NHSL2: variants seen among roughly 807,000 people sequenced by gnomAD.
NHSL2 encodes the protein NHS-like protein 2.
NHSL2 carries 27 observed loss-of-function variants against 53.4 expected under a neutral mutation model. The observed-to-expected ratio is 0.51, with a 90% CI of 0.37 to 0.70. The LOEUF (loss-of-function observed/expected upper bound fraction) is 0.70. NHSL2 is among the 30% of genes least tolerant of loss of function. The pLI is 0.00. For synonymous variants in NHSL2, 408 were observed against 404.1 expected (o/e 1.01, Z -0.12); for missense variants, 892 against 980.1 (o/e 0.91, Z 1.20).
Position 72,139,111 on chromosome X carries a change from C to A in NHSL2, c.1563C>A (p.Ala521=), listed in dbSNP as rs1338966598. ...ATGAGGAGCAGAAGGCCAATGAGGC[C>A]TGTGCCCTGCCTTTTGCCAGTACGA... The part of the protein sequence containing the change: ...DYDEEQKANE[A]CALPFASTSS... Residue 521 remains alanine, a synonymous_variant, in exon 6 of 8, where the codon GCC becomes GCA. Transcript: ENST00000633930. 1 of 1,170,426 alleles carries A rather than the reference C, an allele frequency of 8.5e-7. No homozygotes were observed. The highest frequency in any genetic ancestry group is 1.1e-6 in the Non-Finnish European group (1 of 874,043).
intron 1 of NHSL2, among the ~76,000 whole-genome samples, chrX:71,983,952 T>G (rs2041991781): frequency 9.0e-6 from 1 of 111,410 alleles, no homozygotes; most frequent in Admixed American, 9.5e-5. Context: ...ACCCCCTATC[T>G]CATGCTGTGA....
intron 1 of NHSL2, among the ~76,000 whole-genome samples, chrX:72,022,099 A>G (rs1050645475): frequency 1.1e-4 from 12 of 111,926 alleles, no homozygotes; most frequent in African/African-American, 2.9e-4. Context: ...CTTCAAGAGC[A>G]TAGGTTCTCA....
At chrX:72,075,640 GTGTCT>G (rs2041734636) in intron 1 of NHSL2, among the ~76,000 whole-genome samples, 1 of 112,099 alleles carries the variant, frequency 8.9e-6, no homozygotes, top group African/African-American at 3.2e-5. Context: ...TACAAGCTGT[GTGTCT>G]TCAGGCAAGT....
At position 71,910,988 on chromosome X, in the gene NHSL2, G is replaced by C. The variant is rs2041597922; in HGVS notation, c.-100G>C. On this transcript the variant is annotated 5_prime_UTR_variant, in exon 1 of 8. Coordinates refer to ENST00000633930, the MANE Select transcript of NHSL2 (RefSeq NM_001013627.3). ...CGCCCAGGGGCCTGCTACACCCGGA[G>C]CTGGGGCCGCCGCTCAGGGGCGCTC... 2 of 683,058 alleles carry C rather than the reference G, an allele frequency of 2.9e-6. No homozygotes were observed. Among genetic ancestry groups the C allele is most frequent in the African/African-American group, 4.6e-5 (2 of 43,638 alleles). The allele number at this position is 683,058 out of a possible 1,213,427, so 56.3% of individuals were successfully genotyped here.
chrX:72,016,824 C>T (rs187741860), intron 1 of NHSL2, among the ~76,000 whole-genome samples: 1 of 112,195 alleles, frequency 8.9e-6, no homozygotes, highest in East Asian at 2.8e-4. Flanking sequence ...GGCAACTCTT[C>T]CTTTTCCTGA....
At chrX:72,035,827 GT>G (rs1437492833) in intron 1 of NHSL2, among the ~76,000 whole-genome samples, 3 of 111,575 alleles carry the variant, frequency 2.7e-5, no homozygotes, top group Non-Finnish European at 3.8e-5. Context: ...TACAGCAGGG[GT>G]CCCCAACCCC....
Position 72,149,939 on chromosome X carries a change from C to T in NHSL2, c.*6365C>T, listed in dbSNP as rs2042498528. The T allele has an allele frequency of 8.9e-6, 1 of 112,447 alleles. No individual in the cohort carries two copies. The highest frequency in any genetic ancestry group is 1.9e-5 in the Non-Finnish European group (1 of 53,264). 9.3% of individuals were successfully genotyped at this position (112,447 alleles called of 1,213,427 possible). ...CACACAGTGAGTCAGTGGTGGGGCC[C>T]AGCCTCAATTCCAGGTCTCCTGCCC... On this transcript the variant is annotated 3_prime_UTR_variant, in exon 8 of 8. Coordinates refer to ENST00000633930, the MANE Select transcript of NHSL2 (RefSeq NM_001013627.3).
At chrX:72,027,995 C>T (rs749093214) in intron 1 of NHSL2, among the ~76,000 whole-genome samples, 18 of 111,208 alleles carry the variant, frequency 1.6e-4, no homozygotes, top group African/African-American at 4.6e-4. Context: ...CTGCTGCTGC[C>T]GCTGCTGCTG....
intron 1 of NHSL2, among the ~76,000 whole-genome samples, chrX:72,071,184 T>C (rs2041699670): frequency 9.0e-6 from 1 of 111,475 alleles, no homozygotes; most frequent in African/African-American, 3.3e-5. Flanking sequence ...TGAATTTGGG[T>C]CTCTGTGGTG....
At chrX:72,116,255 G>T (rs1017505388) in intron 1 of NHSL2, among the ~76,000 whole-genome samples, 1 of 112,056 alleles carries the variant, frequency 8.9e-6, no homozygotes, top group African/African-American at 3.3e-5. Flanking sequence ...AACTGTTATC[G>T]TTGGAAATAA....
At chrX:72,137,063 A>G in intron 4 of NHSL2, 31 bp from the exon 5 acceptor site, 1 of 1,153,353 alleles carries the variant, frequency 8.7e-7, no homozygotes, top group Non-Finnish European at 1.2e-6. Context: ...AGAAACCAGG[A>G]TGCACCCAAG....
At chrX:71,974,237 G>A (rs1038063445) in intron 1 of NHSL2, among the ~76,000 whole-genome samples, 1 of 111,696 alleles carries the variant, frequency 9.0e-6, no homozygotes, top group Admixed American at 9.5e-5. Flanking sequence ...AAATTTTTTG[G>A]TGTGGGCTTC....
In NHSL2 at chrX:72,134,646, G is replaced by C. The variant is rs1400687938; in HGVS notation, c.702G>C (p.Glu234Asp). The change falls in exon 4 of 8, where the codon GAG (glutamate) becomes GAC (aspartate). Residue 234 changes from glutamate to aspartate, a missense_variant. Coordinates refer to ENST00000633930, the MANE Select transcript of NHSL2 (RefSeq NM_001013627.3). ...TTTTCCCTCTGCCCATCCTAGAGGA[G>C]AAGCGGTGGCCTCAGCTTTGCTCCA... ...NSLFPLPILE[E>D]KRWPQLCSTQ... 8.6e-7 allele frequency: 1 copy of C among 1,167,640 alleles called. No homozygotes were observed. Among genetic ancestry groups the C allele is most frequent in the Non-Finnish European group, 1.1e-6 (1 of 872,372 alleles).
At chrX:72,099,510 C>A (rs1666412602) in intron 1 of NHSL2, among the ~76,000 whole-genome samples, 1 of 109,040 alleles carries the variant, frequency 9.2e-6, no homozygotes, top group Non-Finnish European at 1.9e-5. Context: ...GGATTACAGG[C>A]CCCCACCACC....
intron 1 of NHSL2, among the ~76,000 whole-genome samples, chrX:71,950,050 G>A (rs1024134292): frequency 3.5e-5 from 4 of 113,521 alleles, no homozygotes; most frequent in Non-Finnish European, 7.5e-5. Flanking sequence ...GACCACCTGA[G>A]CATGCGCTTT....
rs369775283 is a variant in NHSL2 at position 72,032,318 on chromosome X, C to T, written c.281-99761C>T. ...TAAGGCAGGGAGAATTGCTTGAACCCGGGAGGCGGAGGTTGCAGTGAGCTG... is the reference window on the plus strand; with the variant it reads ...TAAGGCAGGGAGAATTGCTTGAACCTGGGAGGCGGAGGTTGCAGTGAGCTG... On this transcript the variant is annotated intron_variant, in intron 1 of 7. Transcript: ENST00000633930. Among the ~76,000 whole-genome samples the T allele has an allele frequency of 4.7e-3, 526 of 110,855 alleles. 3 individuals carry two copies. The highest frequency in any genetic ancestry group is 0.016 in the African/African-American group (477 of 30,455).
At chrX:72,003,534 G>A (rs964909242) in intron 1 of NHSL2, among the ~76,000 whole-genome samples, 1 of 111,400 alleles carries the variant, frequency 9.0e-6, no homozygotes, top group Non-Finnish European at 1.9e-5. Flanking sequence ...ATTCCTACAA[G>A]TATGGCCTTA....
chrX:72,029,252 G>A (rs949945770), intron 1 of NHSL2, among the ~76,000 whole-genome samples: 5 of 111,039 alleles, frequency 4.5e-5, no homozygotes, highest in Non-Finnish European at 9.4e-5. Flanking sequence ...CAATGCCAGC[G>A]CCTGTGTACT....
chrX:71,987,414 A>T (rs1003342894), intron 1 of NHSL2, among the ~76,000 whole-genome samples: 1 of 111,509 alleles, frequency 9.0e-6, no homozygotes, highest in African/African-American at 3.3e-5. Flanking sequence ...ATGGCTGTCC[A>T]TATGTCCCCA....
Sources: gnomAD v4.1 joint callset for allele counts (sites outside exome capture counted in the v4.1 genomes callset) on GRCh38, gnomAD v4.1.1 for gene constraint, MANE v1.5 for transcripts, NCBI Gene and HGNC (gene_info 2026-07-23, HGNC 2026-07-21) for gene names.